The following KCND2 variants were observed in gnomAD, a reference collection of about 807,000 sequenced individuals.
KCND2 encodes the protein potassium voltage-gated channel subfamily D member 2.
A neutral mutation model predicts 54.4 loss-of-function variants in KCND2; 16 were observed. The ratio of observed to expected loss-of-function variants is 0.29; its 90% CI spans 0.20 to 0.45. The LOEUF (loss-of-function observed/expected upper bound fraction) is 0.45. KCND2 is among the 20% of genes least tolerant of loss of function. The probability of loss-of-function intolerance (pLI) is 1.00; values close to 1 mark genes in which losing one functional copy is unlikely to be tolerated. For synonymous variants in KCND2, 317 were observed against 310.7 expected (o/e 1.02, Z -0.21); for missense variants, 486 against 824.2 (o/e 0.59, Z 5.02).
chr7:120,628,945 G>C (rs1446769941), intron 1 of KCND2, among the ~76,000 whole-genome samples: 1 of 152,206 alleles, frequency 6.6e-6, no homozygotes, highest in Non-Finnish European at 1.5e-5. Context: ...AGAGAACTCG[G>C]ACTTACATTC....
At chr7:120,734,898 A>G (rs1792852098) in intron 2 of KCND2, among the ~76,000 whole-genome samples, 1 of 152,128 alleles carries the variant, frequency 6.6e-6, no homozygotes, top group Non-Finnish European at 1.5e-5. Flanking sequence ...AAGCACGCAT[A>G]TGAACAATGT....
At chr7:120,721,523 A>G (rs1792665667) in intron 1 of KCND2, among the ~76,000 whole-genome samples, 1 of 152,190 alleles carries the variant, frequency 6.6e-6, no homozygotes, top group South Asian at 2.1e-4. Context: ...TCAAAAACAA[A>G]GTTTGTTTAA....
intron 1 of KCND2, among the ~76,000 whole-genome samples, chr7:120,479,961 TC>T (rs1202633524): frequency 5.5e-5 from 5 of 90,130 alleles, no homozygotes; most frequent in Admixed American, 5.5e-4. Flanking sequence ...AGTAAGACTG[TC>T]AAAAAAAAAA....
chr7:120,531,675 A>G (rs1048136875), intron 1 of KCND2, among the ~76,000 whole-genome samples: 1 of 152,102 alleles, frequency 6.6e-6, no homozygotes, highest in Non-Finnish European at 1.5e-5. Context: ...AGTAACATCA[A>G]TGCTGCTCAT....
At chr7:120,536,866 G>A (rs1053845107) in intron 1 of KCND2, among the ~76,000 whole-genome samples, 3 of 151,824 alleles carry the variant, frequency 2.0e-5, no homozygotes, top group Admixed American at 1.3e-4. Context: ...AATTATTTTT[G>A]TCAGATCTGA....
chr7:120,461,171 C>CTTAAGCTTAACCTCT (rs949356120), intron 1 of KCND2, among the ~76,000 whole-genome samples: 4 of 152,078 alleles, frequency 2.6e-5, no homozygotes, highest in African/African-American at 7.2e-5. Flanking sequence ...GAGCACCCAG[C>CTTAAGCTTAACCTCT]TTAAAGAGGT....
chr7:120,441,648 G>A (rs187839436), intron 1 of KCND2, among the ~76,000 whole-genome samples: 1 of 152,174 alleles, frequency 6.6e-6, no homozygotes, highest in South Asian at 2.1e-4. Flanking sequence ...TATGTAACAT[G>A]CAGTTAACCT....
intron 1 of KCND2, among the ~76,000 whole-genome samples, chr7:120,719,749 C>T (rs905606214): frequency 5.9e-5 from 9 of 152,032 alleles, no homozygotes; most frequent in African/African-American, 2.2e-4. Context: ...AGCAGTTGAA[C>T]CCGGAATAGT....
chr7:120,427,182 T>C (rs1801719980), intron 1 of KCND2, among the ~76,000 whole-genome samples: 1 of 152,224 alleles, frequency 6.6e-6, no homozygotes, highest in South Asian at 2.1e-4. Context: ...GCTATTTTAC[T>C]GTTTTGATCA....
intron 1 of KCND2, among the ~76,000 whole-genome samples, chr7:120,552,977 A>G (rs1792120358): frequency 6.6e-6 from 1 of 152,218 alleles, no homozygotes; most frequent in South Asian, 2.1e-4. Flanking sequence ...ATACATATAC[A>G]ATGTAATTAT....
At chr7:120,488,228 T>G (rs1330882689) in intron 1 of KCND2, among the ~76,000 whole-genome samples, 1 of 151,988 alleles carries the variant, frequency 6.6e-6, no homozygotes, top group Non-Finnish European at 1.5e-5. Context: ...AAAAAACCCA[T>G]ATAAAAGGCA....
chr7:120,557,130 A>G (rs1382178897), intron 1 of KCND2, among the ~76,000 whole-genome samples: 1 of 152,154 alleles, frequency 6.6e-6, no homozygotes, highest in African/African-American at 2.4e-5. Context: ...TACTTAGAAA[A>G]AGCTATACAG....
chr7:120,713,467 A>C (rs1792565839), intron 1 of KCND2, among the ~76,000 whole-genome samples: 2 of 152,308 alleles, frequency 1.3e-5, no homozygotes, highest in Non-Finnish European at 2.9e-5. Context: ...TGTCTTGCCA[A>C]ATGAGAAAAA....
At chr7:120,365,413 G>T (rs899969653) in intron 1 of KCND2, among the ~76,000 whole-genome samples, 1 of 152,048 alleles carries the variant, frequency 6.6e-6, no homozygotes, top group Non-Finnish European at 1.5e-5. Context: ...TTTTTACTGG[G>T]TCAGGACCTG....
At chr7:120,564,066 T>C (rs969280620) in intron 1 of KCND2, among the ~76,000 whole-genome samples, 4 of 152,176 alleles carry the variant, frequency 2.6e-5, no homozygotes, top group Non-Finnish European at 4.4e-5. Context: ...CTATATATAA[T>C]ATACCAATAA....
rs1792535610 is a variant in KCND2 at position 120,711,401 on chromosome 7, G to A, written c.1116-21502G>A. 2.0e-5 allele frequency among the ~76,000 whole-genome samples: 3 copies of A among 152,146 alleles called. No homozygotes were observed. The South Asian group carries it at 6.2e-4, about 31-fold the overall frequency. On this transcript the variant is annotated intron_variant, in intron 1 of 5. Transcript: ENST00000331113. ...TTCAACATTGTATTTGCAATGACTT[G>A]CATTCCCTTTACAAAGATGCTTAAA...
At chr7:120,524,411 G>A (rs802368) in intron 1 of KCND2, among the ~76,000 whole-genome samples, 37,249 of 151,896 alleles carry the variant, frequency 0.25, 8,011 homozygotes, top group African/African-American at 0.57. Context: ...TTTTTGTTTC[G>A]ATTCCATGCT....
chr7:120,597,784 A>G (rs1476813770), intron 1 of KCND2, among the ~76,000 whole-genome samples: 3 of 152,182 alleles, frequency 2.0e-5, no homozygotes, highest in African/African-American at 7.2e-5. Flanking sequence ...TATGCAGAAG[A>G]AGGCTATTTG....
At chr7:120,695,950 T>C (rs1792328005) in intron 1 of KCND2, among the ~76,000 whole-genome samples, 1 of 151,812 alleles carries the variant, frequency 6.6e-6, no homozygotes, top group Non-Finnish European at 1.5e-5. Context: ...AATCAAAGAG[T>C]CAACTAATCC....
Sources: gnomAD v4.1 joint callset for allele counts (sites outside exome capture counted in the v4.1 genomes callset) on GRCh38, gnomAD v4.1.1 for gene constraint, MANE v1.5 for transcripts, NCBI Gene and HGNC (gene_info 2026-07-23, HGNC 2026-07-21) for gene names.